Variants in THADA observed in about 807,000 individuals in gnomAD.
THADA encodes the protein tRNA (32-2'-O)-methyltransferase regulator THADA.
Under a neutral mutation model 219.8 loss-of-function variants are expected in THADA, and 213 were observed. The ratio of observed to expected loss-of-function variants is 0.97; its 90% confidence interval spans 0.87 to 1.09. The LOEUF (loss-of-function observed/expected upper bound fraction) is 1.09, where lower values mean the gene tolerates loss of function less well. Ranked by LOEUF, THADA falls within the 50% of genes least tolerant of loss-of-function variation. The probability of loss-of-function intolerance (pLI) is 0.00; values close to 1 mark genes in which losing one functional copy is unlikely to be tolerated. For synonymous variants in THADA, 1,018 were observed against 828.9 expected (o/e 1.23, Z -3.92); for missense variants, 2,956 against 2,311.3 (o/e 1.28, Z -5.72).
chr2:43,564,924 A>C (rs1002865786), intron 15 of THADA: 1 of 152,218 alleles, frequency 6.6e-6, no homozygotes, highest in Non-Finnish European at 1.5e-5. Flanking sequence ...CATAATAACA[A>C]AACGCAATGC....
chr2:43,577,120 C>G lies in THADA; in HGVS notation c.939G>C (p.Gly313=). The change falls in exon 10 of 38, where the codon GGG becomes GGC. Residue 313 remains glycine (G), a synonymous_variant. Transcript: ENST00000405975. ...SQSAVLFLCQ[G]TLAMLDWQNG... ...TCTGCCAGTCCAACATGGCAAGTGT[C>G]CCCTGACAGAGGAATAAGACAGCTG... 1.2e-6 allele frequency: 2 copies of G among 1,613,002 alleles called. No individual in the cohort carries two copies. The highest frequency in any genetic ancestry group is 2.2e-5 in the East Asian group (1 of 44,864).
chr2:43,375,780 G>A (rs1451125148), intron 29 of THADA, among the ~76,000 whole-genome samples: 1 of 152,136 alleles, frequency 6.6e-6, no homozygotes, highest in East Asian at 1.9e-4. Flanking sequence ...TGAAAACTGA[G>A]GTATCCCTTT....
chr2:43,540,824 T>A (rs79795323), intron 21 of THADA, among the ~76,000 whole-genome samples: 1 of 152,192 alleles, frequency 6.6e-6, no homozygotes, highest in Admixed American at 6.5e-5. Flanking sequence ...TTTAAGAGAT[T>A]TGTGGAGTTT....
chr2:43,413,818 G>A (rs1004545024), intron 28 of THADA, among the ~76,000 whole-genome samples: 2 of 152,126 alleles, frequency 1.3e-5, no homozygotes, highest in Non-Finnish European at 1.5e-5. Flanking sequence ...GATACATAAT[G>A]CTTTATATGC....
At chr2:43,297,213 C>T (rs533279196) in intron 31 of THADA, among the ~76,000 whole-genome samples, 5 of 95,632 alleles carry the variant, frequency 5.2e-5, no homozygotes, top group East Asian at 2.7e-4. Flanking sequence ...ATGTGAGGAG[C>T]GCCTCTGCCC....
chr2:43,300,706 G>GAGC (rs1452988134), intron 31 of THADA, among the ~76,000 whole-genome samples: 1 of 152,152 alleles, frequency 6.6e-6, no homozygotes, highest in Non-Finnish European at 1.5e-5. Context: ...GTCAACAGAG[G>GAGC]AGCAGCAAGA....
intron 13 of THADA, among the ~76,000 whole-genome samples, chr2:43,571,348 T>C (rs756591844): frequency 6.6e-6 from 1 of 151,404 alleles, no homozygotes. Context: ...GCTCCTAGGT[T>C]CAAGCAATTC....
intron 30 of THADA, among the ~76,000 whole-genome samples, chr2:43,328,460 C>T (rs1679584168): frequency 6.6e-6 from 1 of 152,204 alleles, no homozygotes; most frequent in African/African-American, 2.4e-5. Context: ...TAGATGCTGC[C>T]CCACAGCCCT....
chr2:43,502,584 CAAA>C (rs1172070049), intron 24 of THADA, among the ~76,000 whole-genome samples: 2 of 74,204 alleles, frequency 2.7e-5, no homozygotes, highest in Non-Finnish European at 6.0e-5. Context: ...GACCTCGTCT[CAAA>C]AAAAAAAAAA....
chr2:43,402,629 A>G (rs1573478710), intron 28 of THADA, among the ~76,000 whole-genome samples: 1 of 152,320 alleles, frequency 6.6e-6, no homozygotes, highest in Non-Finnish European at 1.5e-5. Context: ...CCGTAGGGAC[A>G]TCTACTGAGT....
chr2:43,337,072 T>A (rs1283789973), intron 30 of THADA, among the ~76,000 whole-genome samples: 1 of 152,168 alleles, frequency 6.6e-6, no homozygotes, highest in Non-Finnish European at 1.5e-5. Context: ...AAAAAAGAAA[T>A]GTAAATCCTC....
At chr2:43,234,661 A>G (rs534609410) in intron 36 of THADA, among the ~76,000 whole-genome samples, 16 of 152,250 alleles carry the variant, frequency 1.1e-4, no homozygotes, top group African/African-American at 3.4e-4. Flanking sequence ...TTTCCCTTCA[A>G]CTTTTATTGA....
chr2:43,290,842 A>C (rs1234832457), intron 34 of THADA, among the ~76,000 whole-genome samples: 1 of 151,942 alleles, frequency 6.6e-6, no homozygotes, highest in African/African-American at 2.4e-5. Flanking sequence ...TATTTGTCTT[A>C]AGACATCTTC....
chr2:43,492,372 C>G (rs968402499), intron 25 of THADA: 10 of 150,770 alleles, frequency 6.6e-5, no homozygotes, highest in African/African-American at 1.9e-4. Flanking sequence ...ACAAAGCCTT[C>G]TGTGTGTGTG....
At chr2:43,459,432 T>A (rs937995718) in intron 26 of THADA, among the ~76,000 whole-genome samples, 9 of 152,198 alleles carry the variant, frequency 5.9e-5, no homozygotes, top group African/African-American at 2.2e-4. Context: ...TAATACTTAC[T>A]GAGCTTCTGC....
chr2:43,466,739 G>A (rs1466814764), intron 26 of THADA, among the ~76,000 whole-genome samples: 6 of 152,128 alleles, frequency 3.9e-5, no homozygotes, highest in Admixed American at 3.9e-4. Flanking sequence ...AAAACCCTAA[G>A]AGATATTTTC....
At chr2:43,494,314 T>C (rs980042367) in intron 25 of THADA, among the ~76,000 whole-genome samples, 7 of 152,366 alleles carry the variant, frequency 4.6e-5, no homozygotes, top group African/African-American at 1.4e-4. Flanking sequence ...ATCATTCATC[T>C]TTCCTTGCCT....
chr2:43,288,988 C>G (rs1674376818), intron 34 of THADA, among the ~76,000 whole-genome samples: 1 of 152,206 alleles, frequency 6.6e-6, no homozygotes, highest in African/African-American at 2.4e-5. Context: ...AAGCACTAAT[C>G]TACTTTCTGT....
At chr2:43,257,852 G>T (rs1670500976) in intron 36 of THADA, among the ~76,000 whole-genome samples, 1 of 152,200 alleles carries the variant, frequency 6.6e-6, no homozygotes, top group African/African-American at 2.4e-5. Context: ...GAAAAAAGAG[G>T]AGAGGTGAGG....
Sources: allele counts gnomAD v4.1 joint callset (sites outside exome capture counted in the v4.1 genomes callset), GRCh38; gene constraint gnomAD v4.1.1; transcripts MANE v1.5; gene names NCBI Gene and HGNC (gene_info 2026-07-23, HGNC 2026-07-21).